ASTN2: variants seen among roughly 807,000 people sequenced by gnomAD.
ASTN2 encodes the protein astrotactin-2.
Under a neutral mutation model 139.8 loss-of-function variants are expected in ASTN2, and 54 were observed. The observed-to-expected ratio is 0.39, with a 90% CI of 0.31 to 0.48. ASTN2 has a LOEUF of 0.48. Among genes scored for constraint, ASTN2 ranks in the 20% least tolerant of loss-of-function variants. The pLI is 0.95. For missense variants in ASTN2, 1,565 were observed against 1,725.1 expected (o/e 0.91, Z 1.64); for synonymous variants, 756 against 719.5 (o/e 1.05, Z -0.81).
intron 12 of ASTN2, among the ~76,000 whole-genome samples, chr9:116,816,858 C>T (rs1414029777): frequency 6.7e-6 from 1 of 149,452 alleles, no homozygotes; most frequent in Non-Finnish European, 1.5e-5. Context: ...GAATTTGAGA[C>T]AAAATGTAAA....
chr9:117,250,524 C>T (rs565088178), intron 2 of ASTN2, among the ~76,000 whole-genome samples: 2 of 152,176 alleles, frequency 1.3e-5, no homozygotes, highest in East Asian at 3.9e-4. Flanking sequence ...TTTTTCTAAC[C>T]ATTATTTGAT....
intron 4 of ASTN2, among the ~76,000 whole-genome samples, chr9:117,105,316 T>A (rs1344697999): frequency 6.6e-6 from 1 of 152,178 alleles, no homozygotes; most frequent in Non-Finnish European, 1.5e-5. Context: ...TTAGGAAAAC[T>A]GCCACGGTGC....
intron 1 of ASTN2, among the ~76,000 whole-genome samples, chr9:117,377,888 T>C (rs1410489572): frequency 6.6e-6 from 1 of 152,044 alleles, no homozygotes; most frequent in African/African-American, 2.4e-5. Flanking sequence ...TTGGAGGAAA[T>C]GACAGATGCA....
intron 19 of ASTN2, among the ~76,000 whole-genome samples, chr9:116,593,857 C>A (rs1588049682): frequency 6.6e-6 from 1 of 152,162 alleles, no homozygotes; most frequent in East Asian, 1.9e-4. Context: ...GAAATCCCTT[C>A]CATCCTTCCA....
chr9:116,707,463 G>A (rs1471517517), intron 16 of ASTN2, among the ~76,000 whole-genome samples: 3 of 151,984 alleles, frequency 2.0e-5, no homozygotes, highest in Non-Finnish European at 4.4e-5. Context: ...TTGCAACTCT[G>A]GAGGAAGAAT....
At chr9:117,014,807 C>G (rs187481065) in intron 6 of ASTN2, among the ~76,000 whole-genome samples, 14 of 152,230 alleles carry the variant, frequency 9.2e-5, no homozygotes, top group Non-Finnish European at 1.6e-4. Context: ...GAATGACCAT[C>G]TGAGGACACA....
chr9:116,722,764 C>T (rs556131741), intron 16 of ASTN2, among the ~76,000 whole-genome samples: 42 of 152,220 alleles, frequency 2.8e-4, no homozygotes, highest in Non-Finnish European at 4.1e-4. Context: ...GTCTATTTTC[C>T]CCAACCTACT....
chr9:117,274,349 C>CA (rs199581935), intron 2 of ASTN2, among the ~76,000 whole-genome samples: 6,437 of 150,792 alleles, frequency 0.043, 162 homozygotes, highest in South Asian at 0.13. Context: ...GACTCCGTCT[C>CA]AAAAAAAAAT....
At chr9:117,038,392 G>C (rs868022682) in intron 6 of ASTN2, among the ~76,000 whole-genome samples, 18 of 152,154 alleles carry the variant, frequency 1.2e-4, no homozygotes, top group Admixed American at 2.0e-4. Flanking sequence ...GCACTAACTG[G>C]AAGGAGGCAC....
chr9:116,992,331 C>G (rs1836883573), intron 7 of ASTN2, among the ~76,000 whole-genome samples: 1 of 152,026 alleles, frequency 6.6e-6, no homozygotes, highest in African/African-American at 2.4e-5. Context: ...ACCCCTGGAG[C>G]CTTTTGTTAT....
chr9:116,897,898 TTA>T (rs1833916560), intron 10 of ASTN2, among the ~76,000 whole-genome samples: 1 of 152,210 alleles, frequency 6.6e-6, no homozygotes, highest in South Asian at 2.1e-4. Context: ...AAAATCACAT[TTA>T]TATGAGTGGC....
At chr9:116,846,352 AT>A (rs1311733855) in intron 11 of ASTN2, among the ~76,000 whole-genome samples, 10 of 152,244 alleles carry the variant, frequency 6.6e-5, no homozygotes, top group African/African-American at 2.4e-4. Context: ...TGTTATGCAT[AT>A]CTTATCACAA....
At chr9:117,253,965 T>A (rs919746089) in intron 2 of ASTN2, among the ~76,000 whole-genome samples, 1 of 152,070 alleles carries the variant, frequency 6.6e-6, no homozygotes, top group African/African-American at 2.4e-5. Flanking sequence ...GTCTGAACGC[T>A]CACAGGCCTG....
intron 13 of ASTN2, among the ~76,000 whole-genome samples, chr9:116,751,395 C>T (rs114561779): frequency 2.6e-5 from 4 of 152,170 alleles, no homozygotes; most frequent in East Asian, 1.9e-4. Flanking sequence ...GACAAGTTAG[C>T]GTTTCTTACT....
At position 116,699,349 on chromosome 9, in the gene ASTN2, A is replaced by G; in HGVS notation, c.2806+26422T>C. The G allele has an allele frequency of 6.2e-7, 1 of 1,614,200 alleles. No homozygotes were observed. The highest frequency in any genetic ancestry group is 1.1e-5 in the South Asian group (1 of 91,080). The stretch of plus-strand genomic sequence containing the variant: ...TACTTCACCCAGGGCTTAGGCCTCA[A>G]TCTGGAGAATCGGCAGAATGAGCAC... On this transcript the variant is annotated intron_variant, in intron 16 of 22. Transcript: ENST00000313400. The surrounding 1 kb of genome is among the most constrained non-coding windows in gnomAD (Gnocchi z 4.2).
intron 19 of ASTN2, among the ~76,000 whole-genome samples, chr9:116,590,953 G>A (rs1854354093): frequency 6.6e-6 from 1 of 152,176 alleles, no homozygotes; most frequent in Non-Finnish European, 1.5e-5. Flanking sequence ...AGTCTCCTGA[G>A]GGCTGTTCTG....
intron 3 of ASTN2, among the ~76,000 whole-genome samples, chr9:117,177,577 A>T (rs923963143): frequency 1.3e-5 from 2 of 152,124 alleles, no homozygotes; most frequent in Admixed American, 1.3e-4. Context: ...TCAGTGTAAA[A>T]CTCAAACATG....
intron 2 of ASTN2, among the ~76,000 whole-genome samples, chr9:117,242,788 T>C (rs766896925): frequency 6.6e-6 from 1 of 152,170 alleles, no homozygotes; most frequent in Non-Finnish European, 1.5e-5. Context: ...GTGGAACCAA[T>C]CAAGTACCCT....
At chr9:116,686,872 C>G (rs900446740) in intron 16 of ASTN2, 1 of 1,536,740 alleles carries the variant, frequency 6.5e-7, no homozygotes, top group Non-Finnish European at 8.8e-7. Context: ...CACTGCCCTT[C>G]CTAGGGAGTC....
Sources: gnomAD v4.1 joint callset for allele counts (sites outside exome capture counted in the v4.1 genomes callset) on GRCh38, gnomAD v4.1.1 for gene constraint, Gnocchi (gnomAD v3.1) non-coding constraint, MANE v1.5 for transcripts, NCBI Gene and HGNC (gene_info 2026-07-23, HGNC 2026-07-21) for gene names.